Variants in STAB2 observed in about 807,000 individuals in gnomAD.
STAB2 encodes the protein stabilin-2.
A neutral mutation model predicts 338.1 loss-of-function variants in STAB2; 288 were observed. The observed-to-expected ratio is 0.85, with a 90% confidence interval of 0.77 to 0.94. The LOEUF (loss-of-function observed/expected upper bound fraction) is 0.94. STAB2 is among the 40% of genes least tolerant of loss of function. The pLI is 0.00. For synonymous variants in STAB2, 1,202 were observed against 1,193.3 expected (o/e 1.01, Z -0.15); for missense variants, 3,141 against 3,210.1 (o/e 0.98, Z 0.52).
rs543767179 is a variant in STAB2, at chr12:103,670,700, C to T, written c.2264C>T (p.Ala755Val). 7.4e-6 allele frequency: 12 copies of T among 1,613,734 alleles called. No homozygotes were observed. The highest frequency in any genetic ancestry group is 4.0e-5 in the African/African-American group (3 of 75,046). The change falls in exon 22 of 69, where the codon GCA becomes GTA. Residue 755 changes from alanine to valine, a missense_variant. By Grantham distance (64) the Ala-to-Val change is moderately conservative (BLOSUM62 0). Transcript: ENST00000388887. ...GGGCCCTGCCTTTGCTCCCAGTGTG[C>T]AGATAGCCTCGGCGGCAACGGGACA... ...SNPCSGNGQC[A>V]DSLGGNGTCI...
intron 3 of STAB2, among the ~76,000 whole-genome samples, chr12:103,619,532 T>C (rs1431025897): frequency 1.3e-5 from 2 of 152,134 alleles, no homozygotes; most frequent in South Asian, 2.1e-4. Flanking sequence ...CCATGAAATA[T>C]AATGCTTGGC....
Position 103,587,437 on chromosome 12 carries a change from T to C in STAB2, c.-40T>C, listed in dbSNP as rs2138513526. 2 of 1,548,070 alleles carry C rather than the reference T, an allele frequency of 1.3e-6. No homozygotes were observed. Among genetic ancestry groups the C allele is most frequent in the South Asian group, 1.1e-5 (1 of 87,650 alleles). Reference sequence around the variant, plus strand: ...CTAAGTTAAAATAGCTAAGTCAGCCTGACAGGTGCTTGGCACAGAGAAGGA... The same window carrying C: ...CTAAGTTAAAATAGCTAAGTCAGCCCGACAGGTGCTTGGCACAGAGAAGGA... On this transcript the variant is annotated 5_prime_UTR_variant, in exon 1 of 69. Transcript: ENST00000388887.
At chr12:103,621,706 G>A (rs1957305243) in intron 4 of STAB2, among the ~76,000 whole-genome samples, 1 of 152,200 alleles carries the variant, frequency 6.6e-6, no homozygotes, top group East Asian at 1.9e-4. Context: ...CTGGGTGACG[G>A]AGCGAGACTC....
intron 3 of STAB2, among the ~76,000 whole-genome samples, chr12:103,612,216 A>G (rs1278579011): frequency 3.3e-5 from 5 of 152,108 alleles, no homozygotes; most frequent in Non-Finnish European, 7.4e-5. Context: ...TATTTCCTGA[A>G]TTTGAATGTT....
intron 5 of STAB2, among the ~76,000 whole-genome samples, chr12:103,628,398 C>CA (rs1957412107): frequency 6.6e-6 from 1 of 152,088 alleles, no homozygotes; most frequent in Admixed American, 6.5e-5. Context: ...AAGGAGGCAT[C>CA]AAAAAAACTC....
intron 60 of STAB2, 75 bp from the exon 61 acceptor site, chr12:103,753,145 C>T (rs1883811978): frequency 6.3e-7 from 1 of 1,576,120 alleles, no homozygotes; most frequent in African/African-American, 1.3e-5. Flanking sequence ...TTTTGAAAGT[C>T]CTTCAGAGTC....
At chr12:103,718,364 C>T (rs567113470) in intron 44 of STAB2, among the ~76,000 whole-genome samples, 1 of 152,268 alleles carries the variant, frequency 6.6e-6, no homozygotes, top group South Asian at 2.1e-4. Context: ...ATGGCCCCTA[C>T]CACCCCCATT....
At chr12:103,663,239 C>T (rs555499379) in intron 18 of STAB2, among the ~76,000 whole-genome samples, 2 of 152,338 alleles carry the variant, frequency 1.3e-5, no homozygotes, top group East Asian at 1.9e-4. Flanking sequence ...ATTGGCTCCT[C>T]AGAGCTGCCA....
chr12:103,762,789 G>A (rs747355376), intron 67 of STAB2, among the ~76,000 whole-genome samples: 1 of 152,202 alleles, frequency 6.6e-6, no homozygotes, highest in African/African-American at 2.4e-5. Flanking sequence ...CTGAGAACTG[G>A]GGGACAGGGC....
At chr12:103,683,418 GA>G in intron 26 of STAB2, 118 bp downstream of exon 26, 1 of 836,426 alleles carries the variant, frequency 1.2e-6, no homozygotes, top group Non-Finnish European at 1.8e-6. Context: ...CCCCAAAAGG[GA>G]ATCTCTAAGC....
chr12:103,611,295 G>T (rs1220654368), intron 3 of STAB2, among the ~76,000 whole-genome samples: 7 of 152,160 alleles, frequency 4.6e-5, no homozygotes, highest in African/African-American at 1.7e-4. Flanking sequence ...GGGTGTTAAA[G>T]TCTCCCATTA....
At chr12:103,683,134 G>A (rs1190719549) in intron 25 of STAB2, 71 bp from the exon 26 acceptor site, 1 of 1,363,360 alleles carries the variant, frequency 7.3e-7, no homozygotes, top group African/African-American at 1.4e-5. Flanking sequence ...GTTTCTCAGT[G>A]CTGTGTGAGG....
At chr12:103,606,989 C>G (rs1957038765) in intron 3 of STAB2, among the ~76,000 whole-genome samples, 1 of 151,756 alleles carries the variant, frequency 6.6e-6, no homozygotes, top group Non-Finnish European at 1.5e-5. Context: ...GTCTCAAAAA[C>G]AAAACAAAAA....
Position 103,695,725 on chromosome 12 carries a change from T to A in STAB2, c.3475-12T>A, listed in dbSNP as rs367736345. 6.2e-7 allele frequency: 1 copy of A among 1,614,206 alleles called. No individual in the cohort carries two copies. Among genetic ancestry groups the A allele is most frequent in the Admixed American group, 1.7e-5 (1 of 60,028 alleles). On this transcript the variant is annotated splice_polypyrimidine_tract_variant and intron_variant, in intron 32 of 68. Coordinates refer to ENST00000388887, the MANE Select transcript of STAB2 (RefSeq NM_017564.10). ...GGAATCCCTCATGCACTCTTGTCTC[T>A]TTCCATCGCAGCAATATAATCTGGC... is the stretch of plus-strand genomic sequence containing the variant.
chr12:103,635,684 C>T (rs11111689), intron 6 of STAB2, among the ~76,000 whole-genome samples: 20,867 of 152,226 alleles, frequency 0.14, 1,642 homozygotes, highest in South Asian at 0.21. Context: ...CTGAATCCCA[C>T]ACAGCTGGTC....
chr12:103,623,120 G>C (rs1277097099), intron 5 of STAB2, among the ~76,000 whole-genome samples: 1 of 152,208 alleles, frequency 6.6e-6, no homozygotes, highest in Admixed American at 6.5e-5. Flanking sequence ...ACGAGGATGT[G>C]AGGAAGTAAT....
chr12:103,723,038 C>A (rs1442112978), intron 44 of STAB2, among the ~76,000 whole-genome samples: 1 of 152,100 alleles, frequency 6.6e-6, no homozygotes, highest in Non-Finnish European at 1.5e-5. Flanking sequence ...GAGTTCAGAC[C>A]CAAACAAGTG....
chr12:103,713,863 A>G (rs1340327977), intron 42 of STAB2, 95 bp downstream of exon 42: 4 of 1,547,454 alleles, frequency 2.6e-6, no homozygotes, highest in Non-Finnish European at 3.5e-6. Context: ...TCAGGACACA[A>G]AACTGAGGTC....
At chr12:103,627,644 A>G (rs1040894826) in intron 5 of STAB2, among the ~76,000 whole-genome samples, 1 of 152,262 alleles carries the variant, frequency 6.6e-6, no homozygotes, top group African/African-American at 2.4e-5. Flanking sequence ...AAAAGCTGCC[A>G]GTGCCAGGCA....
Sources: allele counts gnomAD v4.1 joint callset (sites outside exome capture counted in the v4.1 genomes callset), GRCh38; gene constraint gnomAD v4.1.1; transcripts MANE v1.5; gene names NCBI Gene and HGNC (gene_info 2026-07-23, HGNC 2026-07-21).